NF2: variants seen among roughly 807,000 people sequenced by gnomAD.
The protein encoded by NF2 is NF2, moesin-ezrin-radixin like (MERLIN) tumor suppressor.
A neutral mutation model predicts 83.7 loss-of-function variants in NF2; 8 were observed. The ratio of observed to expected loss-of-function variants is 0.10; its 90% confidence interval spans 0.06 to 0.17. The LOEUF is 0.17. Ranked by LOEUF, NF2 falls within the 10% of genes least tolerant of loss-of-function variation. NF2 has a pLI of 1.00. For synonymous variants in NF2, 266 were observed against 269.6 expected (o/e 0.99, Z 0.13); for missense variants, 533 against 744.4 (o/e 0.72, Z 3.31).
chr22:29,691,703 C>T (rs1180131993), intron 15 of NF2, among the ~76,000 whole-genome samples: 3 of 152,220 alleles, frequency 2.0e-5, no homozygotes, highest in Non-Finnish European at 4.4e-5. Context: ...AGGTGAGGAG[C>T]CTGCCCACTG....
rs2064704542 is a variant in NF2, at chr22:29,603,787, C to T, written c.-212C>T. The T allele has an allele frequency of 1.2e-5, 7 of 563,100 alleles. No homozygotes were observed. In the East Asian group the frequency reaches 2.1e-4, roughly 17 times the overall value. The allele number at this position is 563,100 out of a possible 1,614,324, so 34.9% of individuals were successfully genotyped here. ...CCGGCTCCTGTGCCCTCCCTGCAGC[C>T]GTCAGGGCCCGTCCCCCAACTCCCC... On this transcript the variant is annotated 5_prime_UTR_variant, in exon 1 of 16. Transcript: ENST00000338641.
At chr22:29,605,625 A>T (rs948487218) in intron 1 of NF2, among the ~76,000 whole-genome samples, 4 of 152,184 alleles carry the variant, frequency 2.6e-5, no homozygotes, top group East Asian at 1.9e-4. Flanking sequence ...TTCTTTTTTT[A>T]AAATCAACTA....
At chr22:29,635,080 T>G (rs190590788) in intron 1 of NF2, among the ~76,000 whole-genome samples, 1 of 152,292 alleles carries the variant, frequency 6.6e-6, no homozygotes, top group Admixed American at 6.5e-5. Context: ...GCTACTTGTC[T>G]GCTGTGGTCC....
chr22:29,691,488 G>T (rs971629795), intron 15 of NF2, among the ~76,000 whole-genome samples: 1 of 152,236 alleles, frequency 6.6e-6, no homozygotes, highest in Non-Finnish European at 1.5e-5. Flanking sequence ...TGAGAGCATC[G>T]CAGGGGAACC....
intron 8 of NF2, among the ~76,000 whole-genome samples, chr22:29,664,078 G>A (rs1222900843): frequency 6.6e-6 from 1 of 152,106 alleles, no homozygotes; most frequent in East Asian, 1.9e-4. Context: ...GAAACCTGTG[G>A]TGAGCTCAGG....
chr22:29,615,495 C>G (rs2065060816), intron 1 of NF2, among the ~76,000 whole-genome samples: 2 of 152,068 alleles, frequency 1.3e-5, no homozygotes, highest in South Asian at 2.1e-4. Context: ...ATCACTTGAG[C>G]CTGGGAGAGG....
chr22:29,613,860 A>G (rs988771064), intron 1 of NF2, among the ~76,000 whole-genome samples: 9 of 151,262 alleles, frequency 5.9e-5, no homozygotes, highest in Non-Finnish European at 1.2e-4. Context: ...CCTGGGTTCA[A>G]GTGATTTTCC....
chr22:29,673,403 G>C lies in NF2; in HGVS notation c.1257G>C (p.Thr419=), dbSNP rs375969005. The change falls in exon 12 of 16, where the codon ACG becomes ACC. Residue 419 remains threonine, a synonymous_variant. Transcript: ENST00000338641. Reference sequence around the variant, plus strand: ...GCATCAAGGCCACAGCGATTCGCACGGAGGAGGAGAAGCGCCTGATGGAGC... The same window carrying C: ...GCATCAAGGCCACAGCGATTCGCACCGAGGAGGAGAAGCGCCTGATGGAGC... ...MQRIKATAIR[T]EEEKRLMEQK... is the part of the protein sequence containing the mutation. 6.2e-7 allele frequency: 1 copy of C among 1,612,480 alleles called. No individual in the cohort carries two copies. Among genetic ancestry groups the C allele is most frequent in the Non-Finnish European group, 8.5e-7 (1 of 1,179,546 alleles).
intron 4 of NF2, among the ~76,000 whole-genome samples, chr22:29,643,410 T>C (rs1469454705): frequency 6.6e-6 from 1 of 152,132 alleles, no homozygotes; most frequent in Non-Finnish European, 1.5e-5. Context: ...CAAAGGTCTC[T>C]GGTTTTCCTA....
intron 1 of NF2, among the ~76,000 whole-genome samples, chr22:29,611,498 T>TAGGCTGGCGACAG (rs2064951963): frequency 6.6e-6 from 1 of 152,040 alleles, no homozygotes; most frequent in African/African-American, 2.4e-5. Flanking sequence ...CTGCACACAA[T>TAGGCTGGCGACAG]AGGCTGGGCG....
chr22:29,674,651 A>T (rs1017216376), intron 12 of NF2, among the ~76,000 whole-genome samples, 185 bp from the exon 13 acceptor site: 32 of 152,186 alleles, frequency 2.1e-4, no homozygotes, highest in Non-Finnish European at 3.7e-4. Context: ...AAAAGTCCTC[A>T]GGAATGTTGT....
chr22:29,677,298 C>G (rs533110112), intron 13 of NF2, among the ~76,000 whole-genome samples: 2 of 151,818 alleles, frequency 1.3e-5, no homozygotes, highest in Non-Finnish European at 2.9e-5. Context: ...GGTGAGAGAT[C>G]GTGGTGTTTG....
At chr22:29,609,146 G>T (rs1324683268) in intron 1 of NF2, 11 of 753,574 alleles carry the variant, frequency 1.5e-5, no homozygotes, top group Non-Finnish European at 1.2e-5. Flanking sequence ...AGACATTCAG[G>T]AGAATGGGAT....
intron 15 of NF2, among the ~76,000 whole-genome samples, chr22:29,687,148 C>T (rs2067289695): frequency 6.6e-6 from 1 of 152,226 alleles, no homozygotes; most frequent in African/African-American, 2.4e-5. Flanking sequence ...TGCCAGCAAA[C>T]AAAGTCATCA....
intron 1 of NF2, among the ~76,000 whole-genome samples, chr22:29,635,907 GAACATCCTGGTGGTTT>G (rs1462043450): frequency 6.6e-6 from 1 of 152,182 alleles, no homozygotes; most frequent in African/African-American, 2.4e-5. Flanking sequence ...GGTTGTATGG[GAACATCCTGGTGGTTT>G]AACTTGAAAG....
At position 29,643,292 on chromosome 22, in the gene NF2, AT is replaced by A. The variant is rs1194773468; in HGVS notation, c.447+1024del. ...CACCATGCCTGGTCTTACTTGTGTG[AT>A]TTTTTTTTTTTTTTTTATTGATCAT... On this transcript the variant is annotated intron_variant, in intron 4 of 15. Coordinates refer to ENST00000338641, the MANE Select transcript of NF2 (RefSeq NM_000268.4). Among the ~76,000 whole-genome samples, 698 of 137,698 alleles carry A rather than the reference AT, an allele frequency of 5.1e-3. 1 individual carries two copies. Among genetic ancestry groups the A allele is most frequent in the Middle Eastern group, 0.016 (4 of 258 alleles). The allele number at this position is 137,698 out of a possible 152,430, so 90.3% of individuals were successfully genotyped here. A position where few individuals can be genotyped will look rare whatever the true frequency, so the allele number is the denominator to read the frequency against.
At chr22:29,655,751 A>G (rs2066286531) in intron 6 of NF2, 75 bp downstream of exon 6, 3 of 1,156,188 alleles carry the variant, frequency 2.6e-6, no homozygotes, top group Non-Finnish European at 3.8e-6. Context: ...GAACTGCAAA[A>G]CTAGGACATG....
chr22:29,660,570 T>G (rs192407345), intron 7 of NF2, among the ~76,000 whole-genome samples: 8 of 151,792 alleles, frequency 5.3e-5, no homozygotes, highest in East Asian at 1.9e-4. Flanking sequence ...AACCTATGGG[T>G]TTTTTTTGTT....
intron 15 of NF2, among the ~76,000 whole-genome samples, chr22:29,692,412 A>G (rs2067431624): frequency 1.3e-5 from 2 of 152,144 alleles, no homozygotes; most frequent in South Asian, 4.1e-4. Flanking sequence ...ACCCCAGAGC[A>G]CTCTGCATCC....
Sources: allele counts gnomAD v4.1 joint callset (sites outside exome capture counted in the v4.1 genomes callset), GRCh38; gene constraint gnomAD v4.1.1; transcripts MANE v1.5; gene names NCBI Gene and HGNC (gene_info 2026-07-23, HGNC 2026-07-21).